Variants in LRP1 observed in about 807,000 individuals in gnomAD.
The protein encoded by LRP1 is prolow-density lipoprotein receptor-related protein 1.
A neutral mutation model predicts 541.5 loss-of-function variants in LRP1; 51 were observed. That is an observed-to-expected ratio of 0.09 (90% CI 0.08 to 0.12). LRP1 has a LOEUF of 0.12. Ranked by LOEUF, LRP1 falls within the 10% of genes least tolerant of loss-of-function variation. The probability of loss-of-function intolerance (pLI) is 1.00; values close to 1 mark genes in which losing one functional copy is unlikely to be tolerated. For missense variants in LRP1, 3,878 were observed against 6,376.2 expected (o/e 0.61, Z 13.34); for synonymous variants, 2,219 against 2,470.8 (o/e 0.90, Z 3.02).
rs774166638 is a variant in LRP1, at chr12:57,205,096, C to T, written c.11195-13C>T. 1.6e-5 allele frequency: 25 copies of T among 1,610,440 alleles called. No homozygotes were observed. Among genetic ancestry groups the T allele is most frequent in the Non-Finnish European group, 2.1e-5 (25 of 1,177,920 alleles). ...GGAGAATACCCAGGGCCTAAAGCCT[C>T]TGCCCTCCTCAGAGCCCCCCACAGC... On this transcript the variant is annotated splice_polypyrimidine_tract_variant and intron_variant, in intron 72 of 88. Transcript: ENST00000243077. The surrounding 1 kb of genome is among the most constrained non-coding windows in gnomAD (Gnocchi z 4.6).
intron 6 of LRP1, chr12:57,148,918 G>C (rs1289981424): frequency 1.8e-6 from 1 of 562,832 alleles, no homozygotes; most frequent in Non-Finnish European, 3.2e-6. Flanking sequence ...TGGGTCCCAG[G>C]TCCAGCTGGC....
At chr12:57,210,281 T>C in intron 81 of LRP1, 26 bp from the exon 82 acceptor site, 1 of 1,549,280 alleles carries the variant, frequency 6.5e-7, no homozygotes, top group Non-Finnish European at 8.7e-7. Context: ...CCCCTGGCTC[T>C]GCCCCTTGAC....
At chr12:57,191,296 A>T in intron 43 of LRP1, 24 bp from the exon 44 acceptor site, 1 of 1,577,504 alleles carries the variant, frequency 6.3e-7, no homozygotes, top group Non-Finnish European at 8.7e-7. Flanking sequence ...CGATGCTGTG[A>T]CGGTGATGGT....
chr12:57,210,644 C>G, intron 82 of LRP1, 74 bp from the exon 83 acceptor site: 5 of 1,533,356 alleles, frequency 3.3e-6, no homozygotes, highest in Non-Finnish European at 4.4e-6. Context: ...CCAGGTCCCC[C>G]CAGCCCATTC....
chr12:57,165,760 G>A lies in LRP1; in HGVS notation c.2531-45G>A, dbSNP rs760331716. 1.4e-5 allele frequency: 23 copies of A among 1,594,588 alleles called. No individual in the cohort carries two copies. The highest frequency in any genetic ancestry group is 5.5e-5 in the South Asian group (5 of 90,620). On this transcript the variant is annotated intron_variant, in intron 15 of 88. Coordinates refer to ENST00000243077, the MANE Select transcript of LRP1 (RefSeq NM_002332.3). The surrounding 1 kb of genome is among the most constrained non-coding windows in gnomAD (Gnocchi z 4.5). ...GCAAAGGGCTTAGTACTTGTCCCAC[G>A]ACCGGGGTCTGACTTTCCCCCTCAC... is the stretch of plus-strand genomic sequence containing the variant.
intron 8 of LRP1, chr12:57,155,042 G>C (rs1210990090): frequency 3.6e-6 from 2 of 550,790 alleles, no homozygotes; most frequent in South Asian, 2.4e-5. Flanking sequence ...TGATTTGCCT[G>C]TGTTTACAAA....
chr12:57,194,248 C>T (rs1486655869), intron 48 of LRP1, 106 bp from the exon 49 acceptor site: 19 of 1,300,742 alleles, frequency 1.5e-5, no homozygotes, highest in South Asian at 3.0e-5. Context: ...AGAAGGGCAC[C>T]GTTCAACTTT....
At chr12:57,148,164 T>C (rs940848356) in intron 6 of LRP1, among the ~76,000 whole-genome samples, 10 of 152,190 alleles carry the variant, frequency 6.6e-5, no homozygotes, top group African/African-American at 2.4e-4. Context: ...AGCTTTTTTT[T>C]TTTTTTTTTA....
chr12:57,194,321 A>T (rs1187681203), intron 48 of LRP1, 33 bp from the exon 49 acceptor site: 6 of 1,505,534 alleles, frequency 4.0e-6, no homozygotes, highest in Non-Finnish European at 4.4e-6. Context: ...TCCAGGGGGA[A>T]CCAGGTATCA....
At chr12:57,200,346 G>A in intron 62 of LRP1, 96 bp from the exon 63 acceptor site, 2 of 808,984 alleles carry the variant, frequency 2.5e-6, no homozygotes, top group Non-Finnish European at 4.2e-6. Context: ...CCTGACCCCT[G>A]CCTCAACTTC....
At position 57,180,384 on chromosome 12, in the gene LRP1, A is replaced by G. The variant is rs1592637360; in HGVS notation, c.5291A>G (p.His1764Arg). Residue 1764 changes from histidine to arginine, a missense_variant, in exon 32 of 89, where the codon CAT becomes CGT. By Grantham distance (29) the His-to-Arg change is conservative. Around this residue, in one of 13 missense-constraint regions of LRP1, gnomAD observed 394 missense variants for 635.9 expected, o/e 0.62. Transcript: ENST00000243077. ...SKLYWISSGN[H>R]TINRCNLDGS... is the part of the protein sequence containing the mutation. ...CTCTACTGGATCAGCTCCGGGAACC[A>G]TACCATCAACCGCTGCAACCTGGAT... 1 of 1,614,168 alleles carries G rather than the reference A, an allele frequency of 6.2e-7. No individual in the cohort carries two copies. The highest frequency in any genetic ancestry group is 2.2e-5 in the East Asian group (1 of 44,880).
At position 57,185,708 on chromosome 12, in the gene LRP1, T is replaced by C; in HGVS notation, c.6641T>C (p.Leu2214Pro). ...SERTILKSIH[L>P]SDERNLNAPV... Reference sequence around the variant, plus strand: ...CGCACCATTCTCAAGAGTATCCACCTGTCGGATGAGCGCAACCTCAATGCG... The same window carrying C: ...CGCACCATTCTCAAGAGTATCCACCCGTCGGATGAGCGCAACCTCAATGCG... The change falls in exon 41 of 89, where the codon CTG becomes CCG. Residue 2214 changes from leucine to proline, a missense_variant. Physicochemically the swap from Leu to Pro is moderately conservative, Grantham distance 98. Transcript: ENST00000243077. The surrounding 1 kb of genome is among the most constrained non-coding windows in gnomAD (Gnocchi z 4.9). 6.2e-7 allele frequency: 1 copy of C among 1,614,192 alleles called. No homozygotes were observed. Among genetic ancestry groups the C allele is most frequent in the Non-Finnish European group, 8.5e-7 (1 of 1,180,022 alleles).
At chr12:57,153,203 T>C (rs1213444786) in intron 6 of LRP1, among the ~76,000 whole-genome samples, 1 of 152,046 alleles carries the variant, frequency 6.6e-6, no homozygotes, top group Non-Finnish European at 1.5e-5. Flanking sequence ...TGGTGGTAGT[T>C]GAAGGGGGTA....
In LRP1 at chr12:57,201,507, C is replaced by G; in HGVS notation, c.10356C>G (p.Thr3452=). ...GEDERDCPEV[T]CAPNQFQCSI... is the part of the protein sequence containing the mutation. The stretch of plus-strand genomic sequence containing the variant: ...TTGCCCACCCCACAGCCGAGGTGAC[C>G]TGCGCCCCCAACCAGTTCCAGTGCT... Residue 3452 remains threonine (T), a synonymous_variant, in exon 66 of 89, where the codon ACC becomes ACG. Coordinates refer to ENST00000243077, the MANE Select transcript of LRP1 (RefSeq NM_002332.3). The surrounding 1 kb of genome is among the most constrained non-coding windows in gnomAD (Gnocchi z 6.4). The G allele has an allele frequency of 6.2e-7, 1 of 1,613,090 alleles. No individual in the cohort carries two copies. The highest frequency in any genetic ancestry group is 8.5e-7 in the Non-Finnish European group (1 of 1,179,392).
chr12:57,175,888 A>G (rs2036036478), intron 23 of LRP1, 21 bp from the exon 24 acceptor site: 3 of 1,613,016 alleles, frequency 1.9e-6, no homozygotes, highest in East Asian at 2.2e-5. Context: ...TGCTGACCCC[A>G]TCACATCCCT....
In LRP1 at chr12:57,189,158, C is replaced by T. The variant is rs1176565609; in HGVS notation, c.7032-1647C>T. Among the ~76,000 whole-genome samples, 3 of 152,214 alleles carry T rather than the reference C, an allele frequency of 2.0e-5. No homozygotes were observed. Reference sequence around the variant, plus strand: ...GAGCACCTACCCCAGGAAAGCCTCTCTCTCCCTCCTGCCCCATTCCTGGGA... The same window carrying T: ...GAGCACCTACCCCAGGAAAGCCTCTTTCTCCCTCCTGCCCCATTCCTGGGA... On this transcript the variant is annotated intron_variant, in intron 42 of 88. Transcript: ENST00000243077. The surrounding 1 kb of genome is among the most constrained non-coding windows in gnomAD (Gnocchi z 4.4).
Position 57,138,392 on chromosome 12 carries a change from G to A in LRP1, c.68-67G>A, listed in dbSNP as rs892969702. On this transcript the variant is annotated intron_variant, in intron 1 of 88. Coordinates refer to ENST00000243077, the MANE Select transcript of LRP1 (RefSeq NM_002332.3). Reference sequence around the variant, plus strand: ...GCTAGGGAAGGAAGAGCAGTACTAGGGGACTTTGGGTTCACAGAGTTGGCC... The same window carrying A: ...GCTAGGGAAGGAAGAGCAGTACTAGAGGACTTTGGGTTCACAGAGTTGGCC... 1.9e-6 allele frequency: 3 copies of A among 1,577,480 alleles called. No homozygotes were observed. The African/African-American group carries it at 4.0e-5, about 21-fold the overall frequency.
In LRP1 at chr12:57,180,791, C is replaced by A. The variant is rs769540935; in HGVS notation, c.5511C>A (p.Asp1837Glu). The part of the protein sequence containing the change: ...TTLVMHMKVY[D>E]ESIQLDHKGT... The stretch of plus-strand genomic sequence containing the variant: ...TGGTGATGCACATGAAGGTCTATGA[C>A]GAGAGCATCCAGCTGGGTAGGTGCG... The change falls in exon 33 of 89, where the codon GAC (aspartate) becomes GAA (glutamate). Residue 1837 changes from aspartate to glutamate, a missense_variant. Physicochemically the swap from Asp to Glu is conservative, Grantham distance 45. Coordinates refer to ENST00000243077, the MANE Select transcript of LRP1 (RefSeq NM_002332.3). 8.1e-6 allele frequency: 13 copies of A among 1,613,848 alleles called. No homozygotes were observed. Among genetic ancestry groups the A allele is most frequent in the African/African-American group, 1.3e-5 (1 of 74,944 alleles).
At chr12:57,143,564 C>T in intron 3 of LRP1, 115 bp from the exon 4 acceptor site, 4 of 1,307,684 alleles carry the variant, frequency 3.1e-6, no homozygotes, top group Non-Finnish European at 4.2e-6. Context: ...GTCTCTGACA[C>T]TGCAGCCCTT....
Sources: allele counts gnomAD v4.1 joint callset (sites outside exome capture counted in the v4.1 genomes callset), GRCh38; gene constraint gnomAD v4.1.1; regional missense constraint gnomAD v4.1.1; non-coding constraint Gnocchi (gnomAD v3.1); transcripts MANE v1.5; gene names NCBI Gene and HGNC (gene_info 2026-07-23, HGNC 2026-07-21).